ROBO1: variants seen among roughly 807,000 people sequenced by gnomAD.
ROBO1 encodes the protein roundabout guidance receptor 1, also known as roundabout homolog 1.
In ROBO1, 149 loss-of-function variants were observed where a neutral mutation model predicts 195.9. That is an observed-to-expected ratio of 0.76 (90% CI 0.67 to 0.87). ROBO1 has a LOEUF of 0.87. ROBO1 is among the 40% of genes least tolerant of loss of function. The probability of loss-of-function intolerance (pLI) is 0.00; values close to 1 mark genes in which losing one functional copy is unlikely to be tolerated. For missense variants in ROBO1, 1,933 were observed against 2,068.3 expected, an observed-to-expected ratio of 0.93 and a Z score of 1.27; for synonymous variants, 816 against 733.2, an observed-to-expected ratio of 1.11 and a Z score of -1.82.
chr3:78,828,171 T>C (rs116062457), intron 4 of ROBO1, among the ~76,000 whole-genome samples: 2,801 of 152,328 alleles, frequency 0.018, 82 homozygotes, highest in African/African-American at 0.063. Flanking sequence ...CTAAGAAATC[T>C]GACTGAAATA....
At chr3:79,550,202 A>AAAGAAAGAAAGAAAGAAAAGGAAAGG (rs61662697) in intron 2 of ROBO1, among the ~76,000 whole-genome samples, 1 of 103,094 alleles carries the variant, frequency 9.7e-6, no homozygotes, top group Non-Finnish European at 2.0e-5. Context: ...AAAGGAAAAG[A>AAAGAAAGAAAGAAAGAAAAGGAAAGG]AAAGAAAAGA....
chr3:78,915,331 A>T (rs1177326778), intron 4 of ROBO1, among the ~76,000 whole-genome samples: 2 of 152,190 alleles, frequency 1.3e-5, no homozygotes, highest in African/African-American at 4.8e-5. Flanking sequence ...AATTACCACC[A>T]GGTGTTTCCG....
intron 2 of ROBO1, among the ~76,000 whole-genome samples, chr3:79,567,831 A>AT (rs1265540860): frequency 6.6e-6 from 1 of 152,106 alleles, no homozygotes; most frequent in Non-Finnish European, 1.5e-5. Context: ...GTGAGAACTT[A>AT]TTATAAGTTC....
chr3:79,322,573 G>A (rs2034028367), intron 2 of ROBO1, among the ~76,000 whole-genome samples: 1 of 152,102 alleles, frequency 6.6e-6, no homozygotes, highest in African/African-American at 2.4e-5. Flanking sequence ...GTGAGAGAGT[G>A]CAAATGGGAT....
intron 4 of ROBO1, among the ~76,000 whole-genome samples, chr3:78,808,973 C>T (rs1420141710): frequency 6.6e-6 from 1 of 152,052 alleles, no homozygotes; most frequent in African/African-American, 2.4e-5. Context: ...AAAGCAATGG[C>T]AACAAAAGCC....
At chr3:79,595,785 C>T (rs886275324) in intron 1 of ROBO1, among the ~76,000 whole-genome samples, 2 of 150,634 alleles carry the variant, frequency 1.3e-5, no homozygotes, top group African/African-American at 4.9e-5. Flanking sequence ...GAACTTCTGG[C>T]CTCAAGATCC....
intron 1 of ROBO1, among the ~76,000 whole-genome samples, chr3:79,713,018 C>A (rs1270975688): frequency 6.6e-6 from 1 of 151,918 alleles, no homozygotes; most frequent in East Asian, 1.9e-4. Context: ...TGTTGGTGTG[C>A]TGCACCCATC....
At chr3:79,714,235 A>T (rs1186576975) in intron 1 of ROBO1, among the ~76,000 whole-genome samples, 1 of 152,200 alleles carries the variant, frequency 6.6e-6, no homozygotes, top group Non-Finnish European at 1.5e-5. Flanking sequence ...CAGCCAAAAA[A>T]ACACATGAAA....
At chr3:79,665,617 T>G (rs374988546) in intron 1 of ROBO1, among the ~76,000 whole-genome samples, 22 of 151,916 alleles carry the variant, frequency 1.4e-4, no homozygotes, top group Admixed American at 8.5e-4. Flanking sequence ...GATGCAGTGG[T>G]TGTACTCTAC....
At chr3:78,621,647 T>C (rs1704463144) in intron 26 of ROBO1, among the ~76,000 whole-genome samples, 1 of 152,228 alleles carries the variant, frequency 6.6e-6, no homozygotes, top group Admixed American at 6.5e-5. Context: ...TTCAAGATGC[T>C]GCACTCAAGT....
chr3:78,671,717 C>T (rs529257714), intron 10 of ROBO1, among the ~76,000 whole-genome samples: 1 of 152,052 alleles, frequency 6.6e-6, no homozygotes, highest in South Asian at 2.1e-4. Flanking sequence ...TTTGCAATAT[C>T]AAGGGGTGAA....
chr3:78,945,299 C>T lies in ROBO1; in HGVS notation c.173-6372G>A, dbSNP rs979045341. Among the ~76,000 whole-genome samples the T allele has an allele frequency of 9.2e-5, 14 of 152,084 alleles. No individual in the cohort carries two copies. The East Asian group carries it at 1.2e-3, about 13-fold the overall frequency. ...GGGGCGGACTGACACCTCACACGGCCGGGTACTACTCTGAGACAAAACTTC... is the reference window on the plus strand; with the variant it reads ...GGGGCGGACTGACACCTCACACGGCTGGGTACTACTCTGAGACAAAACTTC... On this transcript the variant is annotated intron_variant, in intron 3 of 30. Coordinates refer to ENST00000464233, the MANE Select transcript of ROBO1 (RefSeq NM_002941.4).
rs893186392 is a variant in ROBO1 at position 79,026,910 on chromosome 3, T to A, written c.173-87983A>T. ...ATGCTTTTGGTTTTTCATTGCTTTT[T>A]AAAAAAAAATCCTTCCAATAAATGT... On this transcript the variant is annotated intron_variant, in intron 3 of 30. Transcript: ENST00000464233. Among the ~76,000 whole-genome samples, 43 of 151,648 alleles carry A rather than the reference T, an allele frequency of 2.8e-4. 1 individual carries two copies. Among genetic ancestry groups the A allele is most frequent in the African/African-American group, 1.0e-3 (43 of 41,350 alleles).
intron 1 of ROBO1, among the ~76,000 whole-genome samples, chr3:79,592,137 T>G (rs146170322): frequency 2.0e-5 from 3 of 152,094 alleles, no homozygotes; most frequent in African/African-American, 7.2e-5. Context: ...TAATTGTCAT[T>G]TATTAATAGC....
At chr3:79,536,158 C>T (rs971843487) in intron 2 of ROBO1, among the ~76,000 whole-genome samples, 4 of 152,018 alleles carry the variant, frequency 2.6e-5, no homozygotes, top group Non-Finnish European at 5.9e-5. Context: ...CTGAAATGCT[C>T]TTCACATTTC....
At chr3:79,501,394 G>C (rs1350653534) in intron 2 of ROBO1, among the ~76,000 whole-genome samples, 7 of 152,160 alleles carry the variant, frequency 4.6e-5, no homozygotes, top group African/African-American at 1.7e-4. Context: ...AGAGCAAAAA[G>C]CTATTTCTTG....
intron 2 of ROBO1, among the ~76,000 whole-genome samples, chr3:79,265,698 CAT>C (rs1207086321): frequency 6.6e-6 from 1 of 151,304 alleles, no homozygotes; most frequent in Non-Finnish European, 1.5e-5. Flanking sequence ...CGAATATTCT[CAT>C]AAACTGAAGA....
intron 2 of ROBO1, among the ~76,000 whole-genome samples, chr3:79,431,606 T>C (rs1324373622): frequency 1.3e-5 from 2 of 152,142 alleles, no homozygotes; most frequent in East Asian, 1.9e-4. Flanking sequence ...GTACAAATCA[T>C]TTACTAGGCA....
intron 4 of ROBO1, among the ~76,000 whole-genome samples, chr3:78,751,214 T>C (rs919646693): frequency 2.0e-5 from 3 of 152,128 alleles, no homozygotes; most frequent in Admixed American, 6.6e-5. Context: ...AGGGGCTTGA[T>C]AGATGTGTGA....
Sources: gnomAD v4.1 joint callset for allele counts (sites outside exome capture counted in the v4.1 genomes callset) on GRCh38, gnomAD v4.1.1 for gene constraint, MANE v1.5 for transcripts, NCBI Gene and HGNC (gene_info 2026-07-23, HGNC 2026-07-21) for gene names.